Variants in FRMD5 observed in about 807,000 individuals in gnomAD.
FRMD5 encodes FERM domain containing 5.
In FRMD5, 20 loss-of-function variants were observed where a neutral mutation model predicts 69.0. The observed-to-expected ratio is 0.29, with a 90% CI of 0.20 to 0.42. The LOEUF is 0.42. Ranked by LOEUF, FRMD5 falls within the 10% of genes least tolerant of loss-of-function variation. The pLI is 1.00. For synonymous variants in FRMD5, 271 were observed against 260.1 expected (o/e 1.04, Z -0.40); for missense variants, 595 against 708.6 (o/e 0.84, Z 1.82).
In FRMD5 at chr15:43,940,863, C is replaced by A. The variant is rs572531576; in HGVS notation, c.103-16554G>T. ...AAGCTATCTTTAAATCGAGTATTAT[C>A]ACAATGACTTTGGTGAATGGGTCAT... On this transcript the variant is annotated intron_variant, in intron 1 of 13. Coordinates refer to ENST00000417257, the MANE Select transcript of FRMD5 (RefSeq NM_032892.5). Among the ~76,000 whole-genome samples, 3 of 152,302 alleles carry A rather than the reference C, an allele frequency of 2.0e-5. No individual in the cohort carries two copies. In the East Asian group the frequency reaches 5.8e-4, roughly 29 times the overall value.
intron 1 of FRMD5, among the ~76,000 whole-genome samples, chr15:43,978,084 A>G (rs895718233): frequency 6.6e-6 from 1 of 152,240 alleles, no homozygotes; most frequent in Admixed American, 6.5e-5. Context: ...GGTCTCAGCC[A>G]GATTCCTGAC....
At chr15:44,046,655 A>T (rs1235260752) in intron 1 of FRMD5, among the ~76,000 whole-genome samples, 1 of 152,212 alleles carries the variant, frequency 6.6e-6, no homozygotes, top group African/African-American at 2.4e-5. Context: ...ATTAAAATAC[A>T]ATGTTGGTGT....
intron 1 of FRMD5, among the ~76,000 whole-genome samples, chr15:44,115,364 T>C (rs916455538): frequency 1.3e-5 from 2 of 152,214 alleles, no homozygotes; most frequent in Admixed American, 6.5e-5. Flanking sequence ...ATATGTCACA[T>C]TGCATTTTAT....
At chr15:43,922,160 T>C (rs2089504806) in intron 2 of FRMD5, among the ~76,000 whole-genome samples, 1 of 152,156 alleles carries the variant, frequency 6.6e-6, no homozygotes, top group African/African-American at 2.4e-5. Context: ...AGGCTATCAG[T>C]TATACATTCA....
chr15:44,048,731 C>T (rs543120907), intron 1 of FRMD5, among the ~76,000 whole-genome samples: 131 of 152,174 alleles, frequency 8.6e-4, no homozygotes, highest in African/African-American at 3.0e-3. Context: ...CACTACCATG[C>T]CTGGCTAATT....
intron 1 of FRMD5, among the ~76,000 whole-genome samples, chr15:44,177,663 G>C (rs1028895624): frequency 6.6e-6 from 1 of 152,130 alleles, no homozygotes; most frequent in African/African-American, 2.4e-5. Context: ...ACTCTGAAAA[G>C]ATACTAAAAA....
At chr15:44,010,872 A>C (rs1053875015) in intron 1 of FRMD5, among the ~76,000 whole-genome samples, 1 of 152,272 alleles carries the variant, frequency 6.6e-6, no homozygotes, top group South Asian at 2.1e-4. Context: ...TTCATTACTC[A>C]ACGTTAAAAA....
intron 1 of FRMD5, among the ~76,000 whole-genome samples, chr15:44,034,252 A>G (rs571920385): frequency 1.3e-5 from 2 of 152,386 alleles, no homozygotes; most frequent in African/African-American, 4.8e-5. Context: ...ACAATTCACC[A>G]TAACAGGGTC....
chr15:43,889,581 CAGA>C (rs1045978744), intron 8 of FRMD5, among the ~76,000 whole-genome samples: 3 of 152,208 alleles, frequency 2.0e-5, no homozygotes, highest in East Asian at 1.9e-4. Flanking sequence ...AGACACAAAT[CAGA>C]AGAAGTGACA....
At chr15:43,939,148 G>C (rs1247256168) in intron 1 of FRMD5, among the ~76,000 whole-genome samples, 1 of 152,020 alleles carries the variant, frequency 6.6e-6, no homozygotes, top group East Asian at 1.9e-4. Context: ...TAGGATTACA[G>C]GTGTGTGAGC....
intron 1 of FRMD5, among the ~76,000 whole-genome samples, chr15:44,134,374 G>T (rs1462221962): frequency 6.6e-6 from 1 of 152,194 alleles, no homozygotes; most frequent in African/African-American, 2.4e-5. Flanking sequence ...CTTCTTAGAG[G>T]CATAGAAAGT....
intron 1 of FRMD5, among the ~76,000 whole-genome samples, chr15:44,036,173 T>C (rs929113107): frequency 1.3e-5 from 2 of 152,210 alleles, no homozygotes; most frequent in African/African-American, 4.8e-5. Context: ...CTCCAAACTC[T>C]GTGGTTTGTT....
rs749083799 is a variant in FRMD5 at position 43,874,331 on chromosome 15, C to T, written c.1267G>A (p.Ala423Thr). Residue 423 changes from alanine to threonine, a missense_variant, in exon 14 of 14, where the codon GCC becomes ACC. By Grantham distance (58) the Ala-to-Thr change is moderately conservative (BLOSUM62 0). Transcript: ENST00000417257. The stretch of plus-strand genomic sequence containing the variant: ...AGCACGCTGTCTGCAGGGCTGTAGG[C>T]CTCGTCTGCAATCACAGCTACTCGC... ...NERVAVIADE[A>T]YSPADSVLPT... 4 of 1,614,240 alleles carry T rather than the reference C, an allele frequency of 2.5e-6. No homozygotes were observed. The South Asian group carries it at 4.4e-5, about 18-fold the overall frequency.
chr15:43,995,926 G>C (rs1256366121), intron 1 of FRMD5, among the ~76,000 whole-genome samples: 1 of 152,110 alleles, frequency 6.6e-6, no homozygotes, highest in Non-Finnish European at 1.5e-5. Flanking sequence ...CTGGACCCTG[G>C]ATCTGCTAGA....
intron 1 of FRMD5, among the ~76,000 whole-genome samples, chr15:44,029,815 T>G (rs190866542): frequency 6.6e-6 from 1 of 152,332 alleles, no homozygotes; most frequent in East Asian, 1.9e-4. Context: ...GCAATGCTAA[T>G]TTTTAGTAAC....
intron 4 of FRMD5, among the ~76,000 whole-genome samples, chr15:43,915,272 G>A (rs543632378): frequency 6.6e-6 from 1 of 152,274 alleles, no homozygotes; most frequent in African/African-American, 2.4e-5. Flanking sequence ...ACACTACAAT[G>A]ACAGAATTGA....
At chr15:43,936,436 C>T (rs1464280135) in intron 1 of FRMD5, among the ~76,000 whole-genome samples, 1 of 152,210 alleles carries the variant, frequency 6.6e-6, no homozygotes, top group Non-Finnish European at 1.5e-5. Flanking sequence ...AGGGGTCCTT[C>T]TGCCTTGGCC....
intron 9 of FRMD5, 61 bp from the exon 10 acceptor site, chr15:43,888,327 G>T: frequency 8.3e-7 from 1 of 1,199,190 alleles, no homozygotes; most frequent in Non-Finnish European, 1.2e-6. Context: ...GGTGAAGTAG[G>T]CGAGGACCCT....
intron 1 of FRMD5, among the ~76,000 whole-genome samples, chr15:44,001,732 A>G (rs1890222718): frequency 6.6e-6 from 1 of 151,374 alleles, no homozygotes; most frequent in Non-Finnish European, 1.5e-5. Context: ...GCAGCCCCCC[A>G]AGTAGCTGGG....
Sources: gnomAD v4.1 joint callset for allele counts (sites outside exome capture counted in the v4.1 genomes callset) on GRCh38, gnomAD v4.1.1 for gene constraint, MANE v1.5 for transcripts, NCBI Gene and HGNC (gene_info 2026-07-23, HGNC 2026-07-21) for gene names.